The following MEX3A variants were observed in gnomAD, a reference collection of about 807,000 sequenced individuals.
MEX3A encodes the protein RNA-binding protein MEX3A.
A neutral mutation model predicts 30.0 loss-of-function variants in MEX3A; 4 were observed. The observed-to-expected ratio is 0.13, with a 90% CI of 0.07 to 0.30. The LOEUF is 0.30. MEX3A is among the 10% of genes least tolerant of loss of function. MEX3A has a pLI of 1.00. For missense variants in MEX3A, 555 were observed against 736.7 expected (o/e 0.75, Z 2.86); for synonymous variants, 335 against 327.6 (o/e 1.02, Z -0.24).
At chr1:156,080,998 T>G (rs1648209393) in intron 1 of MEX3A, among the ~76,000 whole-genome samples, 1 of 151,032 alleles carries the variant, frequency 6.6e-6, no homozygotes, top group Admixed American at 6.6e-5. Context: ...GCAGCCCCCC[T>G]CACCGCCTCT....
rs1024486526 is a variant in MEX3A at position 156,081,724 on chromosome 1, G to T, written c.275C>A (p.Pro92Gln). 1 of 940,990 alleles carries T rather than the reference G, an allele frequency of 1.1e-6. No individual in the cohort carries two copies. Among genetic ancestry groups the T allele is most frequent in the South Asian group, 4.8e-5 (1 of 20,696 alleles). 58.3% of individuals were successfully genotyped at this position (940,990 alleles called of 1,614,324 possible). A position where few individuals can be genotyped will look rare whatever the true frequency, so the allele number is the denominator to read the frequency against. Residue 92 changes from proline to glutamine, a missense_variant, in exon 1 of 2, where the codon CCG (proline) becomes CAG (glutamine). By Grantham distance (76) the Pro-to-Gln change is moderately conservative. This residue lies in a region of MEX3A where 159 missense variants were observed against 159.9 expected (regional missense o/e 0.99). Transcript: ENST00000532414. ...CGTCTGCGCTGCGGGGGCCGCCGTCGGGGCGGCCGGGGGCGCCGCGGGCGG... is the reference window on the plus strand; with the variant it reads ...CGTCTGCGCTGCGGGGGCCGCCGTCTGGGCGGCCGGGGGCGCCGCGGGCGG... ...PPPPAAPPAA[P>Q]TAAPAAQTPQ...
chr1:156,082,029 GGAGAGA>G lies in MEX3A; in HGVS notation c.-37_-32del. The G allele has an allele frequency of 1.6e-6, 2 of 1,226,852 alleles. No individual in the cohort carries two copies. Among genetic ancestry groups the G allele is most frequent in the Non-Finnish European group, 2.2e-6 (2 of 919,670 alleles). 76.0% of individuals were successfully genotyped at this position (1,226,852 alleles called of 1,614,324 possible). On this transcript the variant is annotated 5_prime_UTR_variant, in exon 1 of 2. Transcript: ENST00000532414. ...AACAAAAGCTGGGGGAGAGAGAGAG[GGAGAGA>G]GAGAGAGAGAGGTGGTGGAAGGGAA...
chr1:156,081,034 G>A (rs1648212208), intron 1 of MEX3A, among the ~76,000 whole-genome samples: 1 of 151,900 alleles, frequency 6.6e-6, no homozygotes, highest in African/African-American at 2.4e-5. Context: ...CCTCCCCTGG[G>A]CCACACCCCC....
At chr1:156,078,729 G>A (rs1159693012) in intron 1 of MEX3A, among the ~76,000 whole-genome samples, 1 of 152,152 alleles carries the variant, frequency 6.6e-6, no homozygotes, top group South Asian at 2.1e-4. Flanking sequence ...TTCACACAGA[G>A]CTTCCAAGAC....
At chr1:156,078,004 C>G (rs1479368330) in intron 1 of MEX3A, among the ~76,000 whole-genome samples, 1 of 152,128 alleles carries the variant, frequency 6.6e-6, no homozygotes, top group Non-Finnish European at 1.5e-5. Flanking sequence ...AAGCTGGTAA[C>G]TCAAATCCAT....
Position 156,081,773 on chromosome 1 carries a change from G to T in MEX3A, c.226C>A (p.Pro76Thr), listed in dbSNP as rs1346435294. The T allele has an allele frequency of 1.2e-5, 10 of 819,176 alleles. No homozygotes were observed. The highest frequency in any genetic ancestry group is 6.3e-5 in the Admixed American group (1 of 16,000). 50.7% of individuals were successfully genotyped at this position (819,176 alleles called of 1,614,324 possible). ...GGCGGCGGCGGGGCCGGCTGCGGGG[G>T]GGCGGCCGGCTGCGCGGGGGCGCCG... ...GGGAPAQPAA[P>T]PQPAPPPPPA... The change falls in exon 1 of 2, where the codon CCC becomes ACC. Residue 76 changes from proline (P) to threonine (T), a missense_variant. Around this residue, in one of 6 missense-constraint regions of MEX3A, gnomAD observed 159 missense variants for 159.9 expected, o/e 0.99. Transcript: ENST00000532414.
At chr1:156,080,497 C>T (rs1392338390) in intron 1 of MEX3A, among the ~76,000 whole-genome samples, 2 of 152,076 alleles carry the variant, frequency 1.3e-5, no homozygotes, top group African/African-American at 2.4e-5. Context: ...GGGACAGCTC[C>T]TCCCCCACCC....
chr1:156,080,589 G>A (rs1472882238), intron 1 of MEX3A, among the ~76,000 whole-genome samples: 3 of 151,966 alleles, frequency 2.0e-5, no homozygotes, highest in Admixed American at 6.6e-5. Context: ...AGAGGGAAGG[G>A]TCCCCAAGAT....
At position 156,077,657 on chromosome 1, in the gene MEX3A, G is replaced by C; in HGVS notation, c.480C>G (p.Ala160=). Residue 160 remains alanine, a synonymous_variant, in exon 2 of 2, where the codon GCC becomes GCG. Coordinates refer to ENST00000532414, the MANE Select transcript of MEX3A (RefSeq NM_001093725.2). The surrounding 1 kb of genome is among the most constrained non-coding windows in gnomAD (Gnocchi z 8.3). ...GTGTCTTGATGTAGGTGTTGGTCTT[G>C]GCCCTCAAGGCCTTAATCTTGCAGC... ...RQGCKIKALR[A]KTNTYIKTPV... is the part of the protein sequence containing the mutation. 2 of 1,596,042 alleles carry C rather than the reference G, an allele frequency of 1.3e-6. No homozygotes were observed. The highest frequency in any genetic ancestry group is 1.7e-6 in the Non-Finnish European group (2 of 1,174,730).
At chr1:156,081,476 A>G in intron 1 of MEX3A, 69 bp downstream of exon 1, 2 of 1,375,616 alleles carry the variant, frequency 1.5e-6, no homozygotes, top group South Asian at 1.2e-5. Context: ...GGAAGAAATG[A>G]ACTTTCCGCG....
At position 156,077,568 on chromosome 1, in the gene MEX3A, C is replaced by T; in HGVS notation, c.569G>A (p.Arg190Gln). 2 of 1,612,264 alleles carry T rather than the reference C, an allele frequency of 1.2e-6. No individual in the cohort carries two copies. Among genetic ancestry groups the T allele is most frequent in the Non-Finnish European group, 8.5e-7 (1 of 1,179,344 alleles). Residue 190 changes from arginine to glutamine, a missense_variant, in exon 2 of 2, where the codon CGG becomes CAG. Physicochemically the swap from Arg to Gln is conservative, Grantham distance 43. Around this residue, in one of 6 missense-constraint regions of MEX3A, gnomAD observed 32 missense variants for 107.4 expected, o/e 0.30. Transcript: ENST00000532414. This position sits in a 1 kb window ranked among gnomAD's most constrained non-coding sequence, Gnocchi z 8.3. Reference sequence around the variant, plus strand: ...CTCCGCTGCTGAGATGATTTCCCGCCGGGCTGTGGCCACGTCCTCCCGTCG... The same window carrying T: ...CTCCGCTGCTGAGATGATTTCCCGCTGGGCTGTGGCCACGTCCTCCCGTCG... ...TGRREDVATA[R>Q]REIISAAEHF...
chr1:156,076,629 G>C lies in MEX3A; in HGVS notation c.1508C>G (p.Pro503Arg). The C allele has an allele frequency of 6.2e-7, 1 of 1,613,874 alleles. No homozygotes were observed. Among genetic ancestry groups the C allele is most frequent in the Non-Finnish European group, 8.5e-7 (1 of 1,179,852 alleles). Residue 503 changes from proline (P) to arginine (R), a missense_variant, in exon 2 of 2, where the codon CCA becomes CGA. Coordinates refer to ENST00000532414, the MANE Select transcript of MEX3A (RefSeq NM_001093725.2). The surrounding 1 kb of genome is among the most constrained non-coding windows in gnomAD (Gnocchi z 6.0). ...CAVRICERTD[P>R]ECPVCHITAT... ...TGTGATGTGGCAGACGGGACACTCT[G>C]GGTCCGTCCTCTCGCAGATGCGTAC...
chr1:156,074,835 G>A lies in MEX3A; in HGVS notation c.*1739C>T, dbSNP rs1437457647. ...GGCTGGTGTTCTGGAGGGGAAGGCT[G>A]TGGAGAGGTGTTAATTCTCGACAGG... On this transcript the variant is annotated 3_prime_UTR_variant, in exon 2 of 2. Coordinates refer to ENST00000532414, the MANE Select transcript of MEX3A (RefSeq NM_001093725.2). The A allele has an allele frequency of 6.5e-6, 1 of 152,782 alleles. No individual in the cohort carries two copies. Among genetic ancestry groups the A allele is most frequent in the African/African-American group, 2.4e-5 (1 of 41,448 alleles). The allele number at this position is 152,782 out of a possible 1,614,324, so 9.5% of individuals were successfully genotyped here. A position where few individuals can be genotyped will look rare whatever the true frequency, so the allele number is the denominator to read the frequency against.
Position 156,074,639 on chromosome 1 carries a change from A to C in MEX3A, c.*1935T>G, listed in dbSNP as rs1158057605. The C allele has an allele frequency of 6.5e-6, 1 of 152,700 alleles. No homozygotes were observed. Among genetic ancestry groups the C allele is most frequent in the Non-Finnish European group, 1.5e-5 (1 of 68,096 alleles). The allele number at this position is 152,700 out of a possible 1,614,324, so 9.5% of individuals were successfully genotyped here. ...GGAGAGGGGGAGGGGGACGACAGAC[A>C]GACATCCCTTCTTCCCACCCCCCTC... On this transcript the variant is annotated 3_prime_UTR_variant, in exon 2 of 2. Coordinates refer to ENST00000532414, the MANE Select transcript of MEX3A (RefSeq NM_001093725.2).
In MEX3A at chr1:156,076,833, G is replaced by T; in HGVS notation, c.1304C>A (p.Pro435His). 6.5e-7 allele frequency: 1 copy of T among 1,548,642 alleles called. No homozygotes were observed. Residue 435 changes from proline to histidine, a missense_variant, in exon 2 of 2, where the codon CCC becomes CAC. Physicochemically the swap from Pro to His is moderately conservative, Grantham distance 77. Coordinates refer to ENST00000532414, the MANE Select transcript of MEX3A (RefSeq NM_001093725.2). This position sits in a 1 kb window ranked among gnomAD's most constrained non-coding sequence, Gnocchi z 6.0. ...GCGCCTCGGGAGTCCGGCCAGCTCG[G>T]GTCCCGCGGAAGTGGCAGGGGAGCG... ...AHRSPATSAG[P>H]ELAGLPRRPP...
At position 156,076,234 on chromosome 1, in the gene MEX3A, G is replaced by T. The variant is rs1648058252; in HGVS notation, c.*340C>A. On this transcript the variant is annotated 3_prime_UTR_variant, in exon 2 of 2. Coordinates refer to ENST00000532414, the MANE Select transcript of MEX3A (RefSeq NM_001093725.2). This position sits in a 1 kb window ranked among gnomAD's most constrained non-coding sequence, Gnocchi z 6.0. ...AGGGGTGGAGTGACACACAGCGGGG[G>T]AGGTGGGCAGAGGGCGTCAGAATGC... 1 of 224,570 alleles carries T rather than the reference G, an allele frequency of 4.5e-6. No individual in the cohort carries two copies. Among genetic ancestry groups the T allele is most frequent in the Non-Finnish European group, 8.7e-6 (1 of 114,728 alleles). The allele number at this position is 224,570 out of a possible 1,614,324, so 13.9% of individuals were successfully genotyped here. A position where few individuals can be genotyped will look rare whatever the true frequency, so the allele number is the denominator to read the frequency against.
In MEX3A at chr1:156,076,987, C is replaced by A; in HGVS notation, c.1150G>T (p.Val384Leu). The change falls in exon 2 of 2, where the codon GTG (valine) becomes TTG (leucine). Residue 384 changes from valine (V) to leucine (L), a missense_variant. This residue lies in a region of MEX3A where 281 missense variants were observed against 265.1 expected (regional missense o/e 1.06). Coordinates refer to ENST00000532414, the MANE Select transcript of MEX3A (RefSeq NM_001093725.2). This position sits in a 1 kb window ranked among gnomAD's most constrained non-coding sequence, Gnocchi z 6.0. ...CACAGCGGGGGGCTAGTCTCGGCCA[C>A]GCCGTAGTACACATCCTGCTTGCCC... ...GVGKQDVYYGVAETSPPLWAG... is the reference protein window; with the variant it reads ...GVGKQDVYYGLAETSPPLWAG... 1 of 1,613,018 alleles carries A rather than the reference C, an allele frequency of 6.2e-7. No homozygotes were observed.
At position 156,077,996 on chromosome 1, in the gene MEX3A, G is replaced by A. The variant is rs1648118784; in HGVS notation, c.455-314C>T. On this transcript the variant is annotated intron_variant, in intron 1 of 1. Coordinates refer to ENST00000532414, the MANE Select transcript of MEX3A (RefSeq NM_001093725.2). The surrounding 1 kb of genome is among the most constrained non-coding windows in gnomAD (Gnocchi z 8.3). Reference sequence around the variant, plus strand: ...AATAATCACTGACCCTCCCATACAAGCTGGTAACTCAAATCCATTCACAAA... The same window carrying A: ...AATAATCACTGACCCTCCCATACAAACTGGTAACTCAAATCCATTCACAAA... Among the ~76,000 whole-genome samples, 1 of 152,034 alleles carries A rather than the reference G, an allele frequency of 6.6e-6. No individual in the cohort carries two copies. The highest frequency in any genetic ancestry group is 2.4e-5 in the African/African-American group (1 of 41,378).
At chr1:156,081,096 G>C (rs932097929) in intron 1 of MEX3A, among the ~76,000 whole-genome samples, 4 of 152,064 alleles carry the variant, frequency 2.6e-5, no homozygotes, top group Non-Finnish European at 5.9e-5. Context: ...GTCTGGCTTC[G>C]AGGGCCAGGT....
Sources: gnomAD v4.1 joint callset for allele counts (sites outside exome capture counted in the v4.1 genomes callset) on GRCh38, gnomAD v4.1.1 for gene constraint, gnomAD v4.1.1 regional missense constraint, Gnocchi (gnomAD v3.1) non-coding constraint, MANE v1.5 for transcripts, NCBI Gene and HGNC (gene_info 2026-07-23, HGNC 2026-07-21) for gene names.